The following MKLN1 variants were observed in gnomAD, a reference collection of about 807,000 sequenced individuals.
MKLN1 encodes muskelin.
MKLN1 carries 18 observed loss-of-function variants against 99.0 expected under a neutral mutation model. That is an observed-to-expected ratio of 0.18 (90% CI 0.13 to 0.27). The LOEUF is 0.27. Ranked by LOEUF, MKLN1 falls within the 10% of genes least tolerant of loss-of-function variation. The pLI, the probability that MKLN1 is intolerant of heterozygous loss-of-function variation, is 1.00. For synonymous variants in MKLN1, 288 were observed against 293.2 expected, an observed-to-expected ratio of 0.98 and a Z score of 0.18; for missense variants, 621 against 875.9, an observed-to-expected ratio of 0.71 and a Z score of 3.67.
chr7:131,477,559 T>C (rs186176848), intron 16 of MKLN1, among the ~76,000 whole-genome samples: 21 of 152,318 alleles, frequency 1.4e-4, no homozygotes, highest in Non-Finnish European at 2.2e-4. Context: ...GCAGTAGATA[T>C]ATCTGACAGA....
intron 1 of MKLN1, among the ~76,000 whole-genome samples, chr7:131,131,723 A>AT (rs1242042925): frequency 6.6e-6 from 1 of 152,136 alleles, no homozygotes; most frequent in Non-Finnish European, 1.5e-5. Flanking sequence ...TTATGCTCAA[A>AT]TTTTTTTATT....
chr7:131,176,495 A>G lies in MKLN1; in HGVS notation c.-296-26362A>G, dbSNP rs189129807. On this transcript the variant is annotated intron_variant, in intron 2 of 7. Transcript: ENST00000416992. Reference sequence around the variant, plus strand: ...AAAGATTTCTTGTCTTTTAAGCCTCATTTACAAAGTTTTTGTCAATTGTTT... The same window carrying G: ...AAAGATTTCTTGTCTTTTAAGCCTCGTTTACAAAGTTTTTGTCAATTGTTT... Among the ~76,000 whole-genome samples the G allele has an allele frequency of 4.9e-3, 739 of 152,310 alleles. 7 individuals carry two copies. The highest frequency in any genetic ancestry group is 0.024 in the Middle Eastern group (7 of 294).
intron 2 of MKLN1, among the ~76,000 whole-genome samples, chr7:131,147,006 G>A (rs1431568420): frequency 6.6e-6 from 1 of 152,018 alleles, no homozygotes; most frequent in Admixed American, 6.5e-5. Flanking sequence ...ATTCTGCTAG[G>A]TTAAAGGAGT....
intron 1 of MKLN1, among the ~76,000 whole-genome samples, chr7:131,351,797 TGTG>T (rs776113247): frequency 4.6e-5 from 7 of 152,232 alleles, no homozygotes; most frequent in African/African-American, 1.4e-4. Context: ...AGGCACAAAA[TGTG>T]GTGGTGACAA....
At chr7:131,192,096 ATG>A (rs1796555842) in intron 2 of MKLN1, among the ~76,000 whole-genome samples, 1 of 81,504 alleles carries the variant, frequency 1.2e-5, no homozygotes, top group African/African-American at 4.6e-5. Flanking sequence ...TTATATATAT[ATG>A]TATATATATA....
chr7:131,263,596 G>C (rs1797766552), intron 3 of MKLN1, among the ~76,000 whole-genome samples: 1 of 146,158 alleles, frequency 6.8e-6, no homozygotes, highest in African/African-American at 2.5e-5. Context: ...TTTTGAGACT[G>C]AGTCTCACTT....
At chr7:131,368,826 T>C (rs1278287567) in intron 1 of MKLN1, among the ~76,000 whole-genome samples, 1 of 152,190 alleles carries the variant, frequency 6.6e-6, no homozygotes, top group Non-Finnish European at 1.5e-5. Flanking sequence ...AACTTTTTAC[T>C]GTTTTGATAA....
intron 7 of MKLN1, among the ~76,000 whole-genome samples, chr7:131,412,048 C>A (rs1794898063): frequency 6.6e-6 from 1 of 151,782 alleles, no homozygotes; most frequent in African/African-American, 2.4e-5. Context: ...GTTCATACCA[C>A]TGCACTTCAA....
At chr7:131,176,604 A>G (rs1157828983) in intron 2 of MKLN1, among the ~76,000 whole-genome samples, 1 of 152,190 alleles carries the variant, frequency 6.6e-6, no homozygotes, top group Non-Finnish European at 1.5e-5. Flanking sequence ...GCCCACATTC[A>G]TCCTTCTTCA....
At chr7:131,440,854 A>G (rs183480300) in intron 10 of MKLN1, among the ~76,000 whole-genome samples, 2 of 152,286 alleles carry the variant, frequency 1.3e-5, no homozygotes, top group East Asian at 3.9e-4. Flanking sequence ...ATATTCAGAA[A>G]AAGTTGACCC....
intron 3 of MKLN1, among the ~76,000 whole-genome samples, chr7:131,251,093 A>ACG (rs1554542497): frequency 0.085 from 12,458 of 146,154 alleles, 572 homozygotes; most frequent in Middle Eastern, 0.14. Flanking sequence ...TGGGGCCCAG[A>ACG]TGTGTGTGTG....
At chr7:131,278,104 G>A (rs539144425) in intron 3 of MKLN1, among the ~76,000 whole-genome samples, 11 of 151,860 alleles carry the variant, frequency 7.2e-5, no homozygotes, top group South Asian at 6.2e-4. Context: ...ATACAGTGGC[G>A]TGATCTCAGC....
rs1471158460 is a variant in MKLN1 at position 131,488,601 on chromosome 7, T to G, written c.*873T>G. The G allele has an allele frequency of 6.6e-6, 1 of 152,520 alleles. No individual in the cohort carries two copies. Among genetic ancestry groups the G allele is most frequent in the Admixed American group, 6.6e-5 (1 of 15,254 alleles). The allele number at this position is 152,520 out of a possible 1,614,324, so 9.4% of individuals were successfully genotyped here. A position where few individuals can be genotyped will look rare whatever the true frequency, so the allele number is the denominator to read the frequency against. Reference sequence around the variant, plus strand: ...AGCAATTTTAGGAGAAAATGACTCTTTCGTCCAGAAGAGCTCTGCAGAACC... The same window carrying G: ...AGCAATTTTAGGAGAAAATGACTCTGTCGTCCAGAAGAGCTCTGCAGAACC... On this transcript the variant is annotated 3_prime_UTR_variant, in exon 18 of 18. Transcript: ENST00000352689.
chr7:131,269,678 T>A (rs558518541), intron 3 of MKLN1, among the ~76,000 whole-genome samples: 1 of 152,388 alleles, frequency 6.6e-6, no homozygotes, highest in African/African-American at 2.4e-5. Context: ...TTCTTCCTGT[T>A]TCTCTCATTA....
intron 3 of MKLN1, among the ~76,000 whole-genome samples, chr7:131,217,659 T>C (rs1230126437): frequency 2.6e-5 from 4 of 152,174 alleles, no homozygotes; most frequent in Non-Finnish European, 5.9e-5. Context: ...GATCGTGCCA[T>C]GGCACTCCAG....
At chr7:131,266,173 C>CAAAAAAAA (rs35332093) in intron 3 of MKLN1, among the ~76,000 whole-genome samples, 5 of 86,572 alleles carry the variant, frequency 5.8e-5, no homozygotes, top group Non-Finnish European at 8.7e-5. Flanking sequence ...GACTGCATCT[C>CAAAAAAAA]AAAAAAAAAA....
chr7:131,354,328 C>G (rs1455348046), intron 1 of MKLN1, among the ~76,000 whole-genome samples: 1 of 152,026 alleles, frequency 6.6e-6, no homozygotes, highest in Admixed American at 6.6e-5. Context: ...TTTCAGGATA[C>G]AGAGCATCCT....
intron 2 of MKLN1, 87 bp downstream of exon 2, chr7:131,375,580 A>G (rs1286023529): frequency 1.3e-6 from 1 of 786,854 alleles, no homozygotes; most frequent in Non-Finnish European, 2.2e-6. Context: ...GAATCTACTA[A>G]TAGTTTATTC....
chr7:131,408,883 T>C (rs1478296203), intron 6 of MKLN1, among the ~76,000 whole-genome samples: 3 of 152,318 alleles, frequency 2.0e-5, no homozygotes, highest in South Asian at 4.1e-4. Context: ...TGAAGTGATA[T>C]TGGACCTGGA....
Sources: gnomAD v4.1 joint callset for allele counts (sites outside exome capture counted in the v4.1 genomes callset) on GRCh38, gnomAD v4.1.1 for gene constraint, MANE v1.5 for transcripts, NCBI Gene and HGNC (gene_info 2026-07-23, HGNC 2026-07-21) for gene names.